Variants in NR2C1 observed in about 807,000 individuals in gnomAD.
NR2C1 encodes the protein nuclear receptor subfamily 2 group C member 1, also known as TR2 nuclear hormone receptor.
NR2C1 carries 33 observed loss-of-function variants against 74.8 expected under a neutral mutation model. That is an observed-to-expected ratio of 0.44 (90% CI 0.33 to 0.59). The LOEUF is 0.59. Among genes scored for constraint, NR2C1 ranks in the 20% least tolerant of loss-of-function variants. NR2C1 has a pLI of 0.02. For missense variants in NR2C1, 568 were observed against 715.6 expected, an observed-to-expected ratio of 0.79 and a Z score of 2.35; for synonymous variants, 225 against 240.6, an observed-to-expected ratio of 0.94 and a Z score of 0.60.
chr12:95,055,223 C>T (rs1873662188), intron 7 of NR2C1, among the ~76,000 whole-genome samples: 1 of 152,196 alleles, frequency 6.6e-6, no homozygotes, highest in Non-Finnish European at 1.5e-5. Flanking sequence ...AGAAGCTTAC[C>T]ATACGGTTGT....
intron 7 of NR2C1, among the ~76,000 whole-genome samples, chr12:95,056,508 C>G (rs1873899123): frequency 6.6e-6 from 1 of 152,160 alleles, no homozygotes. Context: ...AAGGAGAGCT[C>G]TTGCAGTCCT....
At chr12:95,069,367 G>A (rs1876229683) in intron 1 of NR2C1, among the ~76,000 whole-genome samples, 2 of 152,150 alleles carry the variant, frequency 1.3e-5, no homozygotes, top group African/African-American at 2.4e-5. Flanking sequence ...ATACAATAGC[G>A]GTACCACAAG....
chr12:95,038,075 T>A (rs980264274), intron 10 of NR2C1, among the ~76,000 whole-genome samples: 2 of 152,168 alleles, frequency 1.3e-5, no homozygotes, highest in Non-Finnish European at 2.9e-5. Flanking sequence ...GTTTACATAA[T>A]GGCCTTGACT....
intron 10 of NR2C1, among the ~76,000 whole-genome samples, chr12:95,039,298 A>G (rs1489258473): frequency 6.6e-6 from 1 of 152,172 alleles, no homozygotes. Flanking sequence ...TCATGTTCAC[A>G]TATTTCTTTG....
At chr12:95,044,581 A>G (rs536402398) in intron 9 of NR2C1, among the ~76,000 whole-genome samples, 10 of 152,154 alleles carry the variant, frequency 6.6e-5, no homozygotes, top group African/African-American at 2.4e-4. Flanking sequence ...CAGCCGATAT[A>G]GCTTTTAAAA....
intron 12 of NR2C1, among the ~76,000 whole-genome samples, chr12:95,026,414 A>T (rs896264093): frequency 1.4e-4 from 22 of 152,150 alleles, no homozygotes; most frequent in Admixed American, 6.6e-4. Context: ...TTACACAAAA[A>T]CAGAAATATT....
In NR2C1 at chr12:95,021,090, AC is replaced by A. The variant is rs1868734341; in HGVS notation, c.*1138del. 6.6e-6 allele frequency: 1 copy of A among 152,178 alleles called. No individual in the cohort carries two copies. 9.4% of individuals were successfully genotyped at this position (152,178 alleles called of 1,614,324 possible). A position where few individuals can be genotyped will look rare whatever the true frequency, so the allele number is the denominator to read the frequency against. On this transcript the variant is annotated 3_prime_UTR_variant, in exon 14 of 14. Coordinates refer to ENST00000333003, the MANE Select transcript of NR2C1 (RefSeq NM_003297.4). Reference sequence around the variant, plus strand: ...TACATGACAGGTTTGGGAAGCTCTAACTCAGGTCAGAAAAGTGGGAGAGAGA... The same window carrying A: ...TACATGACAGGTTTGGGAAGCTCTAATCAGGTCAGAAAAGTGGGAGAGAGA...
Position 95,049,237 on chromosome 12 carries a change from T to C in NR2C1, c.966-4A>G. On this transcript the variant is annotated splice_polypyrimidine_tract_variant and splice_region_variant and intron_variant, in intron 8 of 13. Transcript: ENST00000333003. ...TTTTGCAAGAGTGTCAAATGCCCTG[T>C]ATGAAGACATCAGAAGCTATGAGCT... The C allele has an allele frequency of 6.2e-7, 1 of 1,612,358 alleles. No homozygotes were observed.
At chr12:95,048,805 G>A (rs1241712683) in intron 9 of NR2C1, among the ~76,000 whole-genome samples, 1 of 151,840 alleles carries the variant, frequency 6.6e-6, no homozygotes, top group African/African-American at 2.4e-5. Flanking sequence ...TGTATTTTTA[G>A]TAGAGACAGG....
At chr12:95,049,400 A>G (rs1219417821) in intron 8 of NR2C1, 167 bp from the exon 9 acceptor site, 1 of 501,978 alleles carries the variant, frequency 2.0e-6, no homozygotes, top group South Asian at 4.6e-5. Flanking sequence ...GATTACAGGT[A>G]TAAGCCACAT....
At chr12:95,071,293 G>C (rs974566825) in intron 1 of NR2C1, among the ~76,000 whole-genome samples, 3 of 152,030 alleles carry the variant, frequency 2.0e-5, no homozygotes, top group Non-Finnish European at 4.4e-5. Context: ...AAGGTTGTTA[G>C]CTAGGATTCA....
intron 10 of NR2C1, among the ~76,000 whole-genome samples, chr12:95,037,001 T>C (rs1311818157): frequency 6.6e-6 from 1 of 152,238 alleles, no homozygotes; most frequent in African/African-American, 2.4e-5. Context: ...AACTACAAAG[T>C]TACAGGAAAC....
At chr12:95,044,556 G>T (rs1348239718) in intron 9 of NR2C1, among the ~76,000 whole-genome samples, 1 of 151,768 alleles carries the variant, frequency 6.6e-6, no homozygotes, top group Non-Finnish European at 1.5e-5. Flanking sequence ...GATTACAGGT[G>T]CGAGCCACCC....
chr12:95,022,186 C>G lies in NR2C1; in HGVS notation c.*43G>C. 6.7e-7 allele frequency: 1 copy of G among 1,485,814 alleles called. No homozygotes were observed. Among genetic ancestry groups the G allele is most frequent in the Non-Finnish European group, 9.0e-7 (1 of 1,113,592 alleles). 92.0% of individuals were successfully genotyped at this position (1,485,814 alleles called of 1,614,324 possible). The stretch of plus-strand genomic sequence containing the variant: ...TGAGTTCAATTTGGTGTCTTGTGTT[C>G]TGGCAAAGAACAGTTAAGTTTACAG... On this transcript the variant is annotated 3_prime_UTR_variant, in exon 14 of 14. Transcript: ENST00000333003.
intron 1 of NR2C1, among the ~76,000 whole-genome samples, chr12:95,069,366 C>T (rs1876229121): frequency 6.6e-6 from 1 of 152,126 alleles, no homozygotes; most frequent in Non-Finnish European, 1.5e-5. Context: ...TATACAATAG[C>T]GGTACCACAA....
chr12:95,022,723 G>C (rs1454576979), intron 13 of NR2C1, among the ~76,000 whole-genome samples: 4 of 148,400 alleles, frequency 2.7e-5, no homozygotes, highest in African/African-American at 1.0e-4. Flanking sequence ...TTTTGAGAGA[G>C]GGCCTCGCTC....
rs547085207 is a variant in NR2C1, at chr12:95,062,559, A to T, written c.234T>A (p.Gly78=). 6.2e-7 allele frequency: 1 copy of T among 1,613,510 alleles called. No individual in the cohort carries two copies. The highest frequency in any genetic ancestry group is 8.5e-7 in the Non-Finnish European group (1 of 1,179,656). Residue 78 remains glycine, a synonymous_variant, in exon 3 of 14, where the codon GGT becomes GGA. Transcript: ENST00000333003. ...GAGTGGTAAAAAATAACTGGTTGAC[A>T]CCTGCTGCATCTGGAGTTGTAAGGA... ...KVFLTTPDAA[G]VNQLFFTTPD...
At chr12:95,023,321 T>C (rs1416367702) in intron 13 of NR2C1, among the ~76,000 whole-genome samples, 1 of 151,920 alleles carries the variant, frequency 6.6e-6, no homozygotes, top group Non-Finnish European at 1.5e-5. Flanking sequence ...GAGGCAGAGG[T>C]TGCAGTGAGC....
intron 12 of NR2C1, among the ~76,000 whole-genome samples, chr12:95,027,940 G>T (rs80106847): frequency 6.6e-6 from 1 of 151,970 alleles, no homozygotes; most frequent in African/African-American, 2.4e-5. Context: ...CCTATTTTGC[G>T]TATTTTATAT....
Sources: allele counts gnomAD v4.1 joint callset (sites outside exome capture counted in the v4.1 genomes callset), GRCh38; gene constraint gnomAD v4.1.1; transcripts MANE v1.5; gene names NCBI Gene and HGNC (gene_info 2026-07-23, HGNC 2026-07-21).